Variants in BNC2 observed in about 807,000 individuals in gnomAD.
BNC2 encodes basonuclin zinc finger protein 2.
BNC2 carries 20 observed loss-of-function variants against 76.3 expected under a neutral mutation model. That is an observed-to-expected ratio of 0.26 (90% CI 0.18 to 0.38). The LOEUF (loss-of-function observed/expected upper bound fraction) is 0.38, where lower values mean the gene tolerates loss of function less well. BNC2 is among the 10% of genes least tolerant of loss of function. The probability of loss-of-function intolerance (pLI) is 1.00; values close to 1 mark genes in which losing one functional copy is unlikely to be tolerated. For synonymous variants in BNC2, 582 were observed against 514.8 expected (o/e 1.13, Z -1.77); for missense variants, 1,382 against 1,399.8 (o/e 0.99, Z 0.20).
At chr9:16,570,087 T>A (rs1413435490) in intron 4 of BNC2, among the ~76,000 whole-genome samples, 5 of 152,188 alleles carry the variant, frequency 3.3e-5, no homozygotes, top group African/African-American at 1.2e-4. Context: ...AGTTATTCAC[T>A]TTAAAGACTT....
chr9:16,685,483 C>A, intron 3 of BNC2: 1 of 1,107,174 alleles, frequency 9.0e-7, no homozygotes, highest in East Asian at 5.8e-5. Context: ...ACCCAAATGG[C>A]TTTCCAGGAC....
chr9:16,788,897 C>G (rs147111817), intron 1 of BNC2, among the ~76,000 whole-genome samples: 1 of 152,108 alleles, frequency 6.6e-6, no homozygotes, highest in Admixed American at 6.6e-5. Context: ...TTAGTTGAAA[C>G]GAATTCCACC....
intron 1 of BNC2, among the ~76,000 whole-genome samples, chr9:16,782,265 C>T (rs1826174616): frequency 6.6e-6 from 1 of 151,488 alleles, no homozygotes. Flanking sequence ...AGCCTGGTGA[C>T]AGAGCAAGAC....
intron 5 of BNC2, among the ~76,000 whole-genome samples, chr9:16,499,105 A>C (rs1251002671): frequency 1.3e-5 from 2 of 152,232 alleles, no homozygotes; most frequent in African/African-American, 4.8e-5. Context: ...ATGGACGCTA[A>C]TGATTATAGT....
At chr9:16,639,567 C>T (rs1271767908) in intron 3 of BNC2, among the ~76,000 whole-genome samples, 1 of 151,488 alleles carries the variant, frequency 6.6e-6, no homozygotes, top group African/African-American at 2.4e-5. Context: ...TTATTAACAA[C>T]AATAACAACA....
chr9:16,730,474 GT>G (rs1435101250), intron 2 of BNC2, among the ~76,000 whole-genome samples: 1 of 152,166 alleles, frequency 6.6e-6, no homozygotes, highest in African/African-American at 2.4e-5. Flanking sequence ...GCACAGCTCC[GT>G]AACTAAATGT....
chr9:16,501,268 G>A (rs1163320774), intron 5 of BNC2, among the ~76,000 whole-genome samples: 2 of 152,014 alleles, frequency 1.3e-5, no homozygotes, highest in African/African-American at 2.4e-5. Flanking sequence ...TTATTCATAC[G>A]AATGAGTAAT....
At chr9:16,823,636 T>C in intron 1 of BNC2, among the ~76,000 whole-genome samples, 1 of 151,832 alleles carries the variant, frequency 6.6e-6, no homozygotes. Context: ...CTGAAATGTG[T>C]AACTTAACAA....
intron 1 of BNC2, among the ~76,000 whole-genome samples, chr9:16,792,634 T>C (rs1215004523): frequency 6.6e-6 from 1 of 152,184 alleles, no homozygotes; most frequent in East Asian, 1.9e-4. Context: ...TTCTAGTGAG[T>C]AGAAGCATAA....
intron 1 of BNC2, among the ~76,000 whole-genome samples, chr9:16,864,851 G>C (rs576687128): frequency 2.6e-5 from 4 of 152,056 alleles, no homozygotes; most frequent in African/African-American, 9.6e-5. Context: ...ACTAATGAAA[G>C]GTTAAATGAA....
At chr9:16,823,887 C>T (rs1453068115) in intron 1 of BNC2, among the ~76,000 whole-genome samples, 1 of 152,112 alleles carries the variant, frequency 6.6e-6, no homozygotes, top group East Asian at 1.9e-4. Context: ...AAATTTCATT[C>T]AAATCCCTAA....
At chr9:16,736,050 A>G (rs965954325) in intron 2 of BNC2, among the ~76,000 whole-genome samples, 19 of 151,630 alleles carry the variant, frequency 1.3e-4, no homozygotes, top group African/African-American at 4.6e-4. Context: ...TATGGCCAAC[A>G]TGGCAAAATC....
chr9:16,422,430 T>C (rs12686811), intron 6 of BNC2, among the ~76,000 whole-genome samples: 2 of 152,268 alleles, frequency 1.3e-5, no homozygotes, highest in African/African-American at 4.8e-5. Context: ...GATGAACTCA[T>C]GGCAGTGCAT....
At chr9:16,830,426 C>A (rs887183057) in intron 1 of BNC2, among the ~76,000 whole-genome samples, 1 of 152,178 alleles carries the variant, frequency 6.6e-6, no homozygotes, top group Non-Finnish European at 1.5e-5. Flanking sequence ...GAAATCATCC[C>A]TAGATTACTA....
At chr9:16,772,969 T>C (rs1357581646) in intron 1 of BNC2, among the ~76,000 whole-genome samples, 1 of 152,216 alleles carries the variant, frequency 6.6e-6, no homozygotes, top group African/African-American at 2.4e-5. Context: ...TGATGCTGTG[T>C]GTCAGAATGT....
intron 1 of BNC2, among the ~76,000 whole-genome samples, chr9:16,766,023 G>C (rs1031590849): frequency 6.6e-6 from 1 of 152,022 alleles, no homozygotes; most frequent in Non-Finnish European, 1.5e-5. Context: ...TCCTGACCTC[G>C]TGATCCGCCC....
chr9:16,779,239 G>A (rs1439443471), intron 1 of BNC2, among the ~76,000 whole-genome samples: 1 of 150,496 alleles, frequency 6.6e-6, no homozygotes, highest in South Asian at 2.1e-4. Flanking sequence ...AGAAGGTGGA[G>A]GCTGCAGTGA....
chr9:16,729,756 T>C (rs1205198260), intron 2 of BNC2, among the ~76,000 whole-genome samples: 1 of 152,170 alleles, frequency 6.6e-6, no homozygotes, highest in African/African-American at 2.4e-5. Context: ...TAGTGCTAGC[T>C]ATTACCCACT....
At chr9:16,584,095 T>C (rs375209284) in intron 3 of BNC2, among the ~76,000 whole-genome samples, 3 of 152,220 alleles carry the variant, frequency 2.0e-5, no homozygotes, top group Non-Finnish European at 2.9e-5. Flanking sequence ...GGATTTAGTC[T>C]GATCATTCGC....
Sources: allele counts gnomAD v4.1 joint callset (sites outside exome capture counted in the v4.1 genomes callset), GRCh38; gene constraint gnomAD v4.1.1; transcripts MANE v1.5; gene names NCBI Gene and HGNC (gene_info 2026-07-23, HGNC 2026-07-21).